The following JMJD1C variants were observed in gnomAD, a reference collection of about 807,000 sequenced individuals.
The protein encoded by JMJD1C is jumonji domain containing 1C.
A neutral mutation model predicts 245.3 loss-of-function variants in JMJD1C; 31 were observed. The observed-to-expected ratio is 0.13, with a 90% confidence interval of 0.09 to 0.17. JMJD1C has a LOEUF of 0.17. JMJD1C is among the 10% of genes least tolerant of loss of function. JMJD1C has a pLI of 1.00. For missense variants in JMJD1C, 2,691 were observed against 3,000.2 expected, an observed-to-expected ratio of 0.90 and a Z score of 2.41; for synonymous variants, 1,057 against 1,017.4, an observed-to-expected ratio of 1.04 and a Z score of -0.74.
chr10:63,291,309 A>AG (rs1554875299), intron 2 of JMJD1C, among the ~76,000 whole-genome samples: 1 of 31,272 alleles, frequency 3.2e-5, no homozygotes, highest in East Asian at 7.4e-4. Context: ...AGTCTGTCTC[A>AG]GAAAAAAAAA....
At chr10:63,282,653 T>C (rs1857540963) in intron 2 of JMJD1C, among the ~76,000 whole-genome samples, 2 of 152,194 alleles carry the variant, frequency 1.3e-5, no homozygotes, top group African/African-American at 2.4e-5. Context: ...AATATACTAA[T>C]CTCCTCTCAG....
At chr10:63,348,593 G>A (rs1944057741) in intron 2 of JMJD1C, among the ~76,000 whole-genome samples, 1 of 152,174 alleles carries the variant, frequency 6.6e-6, no homozygotes, top group Non-Finnish European at 1.5e-5. Context: ...AGGATGTTGT[G>A]AAGATTCAGG....
chr10:63,366,991 C>A (rs1268257900), intron 2 of JMJD1C, among the ~76,000 whole-genome samples: 1 of 151,988 alleles, frequency 6.6e-6, no homozygotes, highest in Non-Finnish European at 1.5e-5. Flanking sequence ...AAAAGTCTTA[C>A]CAAAATAACA....
chr10:63,257,959 C>G (rs112041234), intron 3 of JMJD1C, among the ~76,000 whole-genome samples: 57 of 152,166 alleles, frequency 3.7e-4, no homozygotes, highest in African/African-American at 1.3e-3. Context: ...CTAGGGAAGA[C>G]TAGTAAGAAA....
At chr10:63,291,085 T>TCC (rs1270838596) in intron 2 of JMJD1C, among the ~76,000 whole-genome samples, 2 of 151,780 alleles carry the variant, frequency 1.3e-5, no homozygotes, top group African/African-American at 4.8e-5. Flanking sequence ...GGTGGGCGGA[T>TCC]CACGAGGTTA....
intron 8 of JMJD1C, among the ~76,000 whole-genome samples, chr10:63,211,338 C>A (rs1419698534): frequency 6.6e-6 from 1 of 151,914 alleles, no homozygotes; most frequent in Non-Finnish European, 1.5e-5. Flanking sequence ...TGGTGTTGCA[C>A]ACCTGTAGTC....
intron 1 of JMJD1C, among the ~76,000 whole-genome samples, chr10:63,392,371 T>C (rs1217838646): frequency 6.6e-6 from 1 of 152,156 alleles, no homozygotes; most frequent in Non-Finnish European, 1.5e-5. Flanking sequence ...TAAATGCGAC[T>C]ATATTAAACT....
chr10:63,500,883 A>G (rs1954536810), intron 1 of JMJD1C, among the ~76,000 whole-genome samples: 1 of 152,232 alleles, frequency 6.6e-6, no homozygotes. Context: ...ATGTTTAACT[A>G]TAGAAGGTAG....
chr10:63,448,825 A>AT lies in JMJD1C; in HGVS notation c.168+16669dup, dbSNP rs1384558263. ...GCATTTTGAAAAAGTAGTGTTTAAGATACTTCAGGAGGTCGGGCGCGGTGG... is the reference window on the plus strand; with the variant it reads ...GCATTTTGAAAAAGTAGTGTTTAAGATTACTTCAGGAGGTCGGGCGCGGTGG... On this transcript the variant is annotated intron_variant, in intron 1 of 25. Coordinates refer to ENST00000399262, the MANE Select transcript of JMJD1C (RefSeq NM_032776.3). Among the ~76,000 whole-genome samples the AT allele has an allele frequency of 2.0e-5, 3 of 152,150 alleles. No individual in the cohort carries two copies. In the East Asian group the frequency reaches 5.8e-4, roughly 29 times the overall value.
chr10:63,217,145 T>TG (rs1848091349), intron 5 of JMJD1C, 62 bp downstream of exon 5: 6 of 1,419,408 alleles, frequency 4.2e-6, no homozygotes, highest in Non-Finnish European at 9.7e-7. Flanking sequence ...TGATGTATTT[T>TG]GGGGGGCATG....
chr10:63,368,633 A>G (rs895666141), intron 2 of JMJD1C, among the ~76,000 whole-genome samples: 7 of 152,234 alleles, frequency 4.6e-5, no homozygotes, highest in African/African-American at 1.4e-4. Context: ...ATAACACACT[A>G]TGGCATAACA....
Position 63,183,334 on chromosome 10 carries a change from G to C in JMJD1C, c.7084+113C>G. 3.3e-6 allele frequency: 3 copies of C among 910,166 alleles called. No individual in the cohort carries two copies. The South Asian group carries it at 5.4e-5, about 16-fold the overall frequency. 56.4% of individuals were successfully genotyped at this position (910,166 alleles called of 1,614,324 possible). A position where few individuals can be genotyped will look rare whatever the true frequency, so the allele number is the denominator to read the frequency against. Reference sequence around the variant, plus strand: ...GGGCTAAAATGCCCCTACATCCATTGCAATTCTTTTTGAAATCTTCGCTGT... The same window carrying C: ...GGGCTAAAATGCCCCTACATCCATTCCAATTCTTTTTGAAATCTTCGCTGT... On this transcript the variant is annotated intron_variant, in intron 22 of 25. Coordinates refer to ENST00000399262, the MANE Select transcript of JMJD1C (RefSeq NM_032776.3).
chr10:63,519,998 CAG>C (rs1315102568), intron 1 of JMJD1C, among the ~76,000 whole-genome samples: 5 of 152,126 alleles, frequency 3.3e-5, no homozygotes, highest in African/African-American at 1.2e-4. Context: ...ATAAAAGATT[CAG>C]AGTTAAATGC....
At chr10:63,204,088 T>A (rs1477875379) in intron 10 of JMJD1C, 3 of 897,450 alleles carry the variant, frequency 3.3e-6, no homozygotes, top group Non-Finnish European at 2.7e-6. Flanking sequence ...GAATATCCAC[T>A]GCACTCCAGT....
intron 2 of JMJD1C, among the ~76,000 whole-genome samples, chr10:63,368,400 G>A (rs1252426349): frequency 6.6e-6 from 1 of 152,104 alleles, no homozygotes; most frequent in Non-Finnish European, 1.5e-5. Flanking sequence ...AGCACATAGG[G>A]AAACCAGTCT....
At chr10:63,342,109 A>G (rs1329040896) in intron 2 of JMJD1C, among the ~76,000 whole-genome samples, 1 of 152,262 alleles carries the variant, frequency 6.6e-6, no homozygotes, top group African/African-American at 2.4e-5. Flanking sequence ...GTCCATCAGT[A>G]AGCTAAAGGA....
chr10:63,272,639 T>C (rs1856439728), intron 2 of JMJD1C, among the ~76,000 whole-genome samples: 1 of 152,222 alleles, frequency 6.6e-6, no homozygotes, highest in African/African-American at 2.4e-5. Flanking sequence ...CATTCATAAT[T>C]AATCAGACAT....
chr10:63,210,216 G>T (rs1847158750), intron 8 of JMJD1C, among the ~76,000 whole-genome samples: 1 of 152,028 alleles, frequency 6.6e-6, no homozygotes, highest in East Asian at 1.9e-4. Flanking sequence ...ATCTTAAACA[G>T]CAATCAATTA....
chr10:63,414,379 T>C (rs923785796), intron 1 of JMJD1C, among the ~76,000 whole-genome samples: 1 of 152,176 alleles, frequency 6.6e-6, no homozygotes, highest in African/African-American at 2.4e-5. Flanking sequence ...TTAAAATGTA[T>C]ATTTTAGTCT....
Sources: allele counts gnomAD v4.1 joint callset (sites outside exome capture counted in the v4.1 genomes callset), GRCh38; gene constraint gnomAD v4.1.1; transcripts MANE v1.5; gene names NCBI Gene and HGNC (gene_info 2026-07-23, HGNC 2026-07-21).